Variants in SYNE1 observed in about 807,000 individuals in gnomAD.
SYNE1 encodes nesprin-1.
SYNE1 carries 616 observed loss-of-function variants against 1,111.0 expected under a neutral mutation model. That is an observed-to-expected ratio of 0.55 (90% CI 0.52 to 0.59). The LOEUF is 0.59. Ranked by LOEUF, SYNE1 falls within the 20% of genes least tolerant of loss-of-function variation. SYNE1 has a pLI of 0.00. For synonymous variants in SYNE1, 3,855 were observed against 3,825.8 expected (o/e 1.01, Z -0.28); for missense variants, 10,006 against 10,417.0 (o/e 0.96, Z 1.72).
rs141557649 is a variant in SYNE1 at position 152,196,492 on chromosome 6, C to T, written c.23145+5332G>A. ...AGGGCCTATGGGCTCTTTAGTCAGC[C>T]GGTGATAGGTCTTACCAGGACTAGG... On this transcript the variant is annotated intron_variant, in intron 127 of 145. Coordinates refer to ENST00000367255, the MANE Select transcript of SYNE1 (RefSeq NM_182961.4). Among the ~76,000 whole-genome samples the T allele has an allele frequency of 4.3e-3, 651 of 151,848 alleles. 9 individuals carry two copies. The highest frequency in any genetic ancestry group is 0.013 in the African/African-American group (532 of 41,414).
intron 128 of SYNE1, among the ~76,000 whole-genome samples, chr6:152,188,319 G>A (rs901019833): frequency 5.9e-5 from 9 of 152,176 alleles, no homozygotes; most frequent in Non-Finnish European, 1.0e-4. Context: ...TTCATTATGA[G>A]CCTTTGAATC....
At chr6:152,132,251 C>T (rs774772898) in intron 143 of SYNE1, 37 bp from the exon 144 acceptor site, 2 of 1,588,482 alleles carry the variant, frequency 1.3e-6, no homozygotes, top group South Asian at 2.2e-5. Context: ...AACTCCATGT[C>T]CCAGACCCAT....
chr6:152,409,418 T>C, intron 43 of SYNE1, 141 bp downstream of exon 43: 1 of 1,250,022 alleles, frequency 8.0e-7, no homozygotes, highest in Non-Finnish European at 1.1e-6. Flanking sequence ...TCAGCATTCC[T>C]AGGGGAAAAA....
At chr6:152,605,724 G>C (rs775892867) in intron 3 of SYNE1, among the ~76,000 whole-genome samples, 27 of 152,110 alleles carry the variant, frequency 1.8e-4, no homozygotes, top group African/African-American at 6.3e-4. Flanking sequence ...GGGCAGAAAG[G>C]CTCTTTTTAT....
chr6:152,301,794 AC>A, intron 92 of SYNE1, 74 bp downstream of exon 92: 1 of 1,469,672 alleles, frequency 6.8e-7, no homozygotes, highest in Non-Finnish European at 9.1e-7. Context: ...GAAATCAGCC[AC>A]GGAGAGGGAA....
At chr6:152,211,642 G>T in intron 123 of SYNE1, 54 bp from the exon 124 acceptor site, 1 of 1,455,804 alleles carries the variant, frequency 6.9e-7, no homozygotes, top group South Asian at 1.2e-5. Flanking sequence ...TTTAGTGATC[G>T]GTTCTCTGAT....
At chr6:152,272,339 G>A (rs114292548) in intron 98 of SYNE1, among the ~76,000 whole-genome samples, 1,722 of 152,254 alleles carry the variant, frequency 0.011, 36 homozygotes, top group African/African-American at 0.039. Context: ...GAGGTTAGGC[G>A]GTTTCTGTCA....
intron 3 of SYNE1, among the ~76,000 whole-genome samples, chr6:152,563,140 T>C (rs890132906): frequency 6.6e-6 from 1 of 152,022 alleles, no homozygotes; most frequent in Admixed American, 6.6e-5. Context: ...CCTTTTATCA[T>C]ACCCGGAGTC....
In SYNE1 at chr6:152,141,220, G is replaced by T. The variant is rs2058481714; in HGVS notation, c.25229C>A (p.Thr8410Asn). ...GCACTCACCAGCCGTTTGGGTTTCG[G>T]TACTATGCAGGTTAACAAAGCCAGG... ...SLPGFVNLHSTETQTAGVIDR... is the reference protein window; with the variant it reads ...SLPGFVNLHSNETQTAGVIDR... The change falls in exon 139 of 146, where the codon ACC becomes AAC. Residue 8410 changes from threonine to asparagine, a missense_variant. This residue lies in a region of SYNE1 where 761 missense variants were observed against 795.5 expected (regional missense o/e 0.96). Transcript: ENST00000367255. 6 of 1,614,126 alleles carry T rather than the reference G, an allele frequency of 3.7e-6. No individual in the cohort carries two copies. In the East Asian group the frequency reaches 1.3e-4, roughly 36 times the overall value.
intron 118 of SYNE1, 44 bp downstream of exon 118, chr6:152,221,382 A>G: frequency 6.2e-7 from 1 of 1,602,688 alleles, no homozygotes; most frequent in Non-Finnish European, 8.5e-7. Context: ...TATTTATAAT[A>G]AGGCTGTGAT....
Position 152,635,802 on chromosome 6 carries a change from T to C in SYNE1, c.-224+836A>G, listed in dbSNP as rs79664557. On this transcript the variant is annotated intron_variant, in intron 2 of 145. Transcript: ENST00000367255. ...AAAACGAAAAGCTCAGAAATGAACA[T>C]TGTGGGATGCTAAGGCTTCATTGCT... Among the ~76,000 whole-genome samples the C allele has an allele frequency of 9.9e-3, 1,502 of 152,280 alleles. 20 individuals are homozygous for C. The highest frequency in any genetic ancestry group is 0.035 in the African/African-American group (1,441 of 41,546).
At chr6:152,485,781 G>T (rs2098935827) in intron 12 of SYNE1, among the ~76,000 whole-genome samples, 1 of 152,124 alleles carries the variant, frequency 6.6e-6, no homozygotes. Flanking sequence ...ACAACTAAAA[G>T]AATTTCAAAA....
At chr6:152,526,980 T>C (rs917403998) in intron 4 of SYNE1, among the ~76,000 whole-genome samples, 4 of 152,160 alleles carry the variant, frequency 2.6e-5, no homozygotes, top group Non-Finnish European at 5.9e-5. Context: ...CAGGAGAAAG[T>C]AAAGAAGCCA....
chr6:152,139,653 A>T (rs1026858402), intron 140 of SYNE1, among the ~76,000 whole-genome samples: 1 of 149,520 alleles, frequency 6.7e-6, no homozygotes. Flanking sequence ...AAGAAAGAAA[A>T]AAAAGAAGGA....
intron 108 of SYNE1, among the ~76,000 whole-genome samples, chr6:152,239,025 G>C (rs1480457000): frequency 6.6e-6 from 1 of 151,426 alleles, no homozygotes; most frequent in African/African-American, 2.4e-5. Context: ...AGCCTCCCAA[G>C]TAGCTGAGAT....
intron 3 of SYNE1, among the ~76,000 whole-genome samples, chr6:152,609,467 G>C (rs2099625218): frequency 6.6e-6 from 1 of 152,138 alleles, no homozygotes; most frequent in Admixed American, 6.5e-5. Context: ...AAAGTGACTG[G>C]GAAGTTCAAA....
chr6:152,477,038 A>G (rs1229403505), intron 14 of SYNE1, among the ~76,000 whole-genome samples: 1 of 152,200 alleles, frequency 6.6e-6, no homozygotes, highest in Non-Finnish European at 1.5e-5. Flanking sequence ...CAAAATATAT[A>G]AAACAATATT....
At chr6:152,490,659 C>T (rs2098965486) in intron 11 of SYNE1, among the ~76,000 whole-genome samples, 1 of 152,148 alleles carries the variant, frequency 6.6e-6, no homozygotes, top group Non-Finnish European at 1.5e-5. Context: ...TTTTCGGACT[C>T]AGTCTGCCTG....
rs374096807 is a variant in SYNE1, at chr6:152,206,254, C to T, written c.22933G>A (p.Ala7645Thr). Reference protein sequence around the residue: ...ADSGAEAALQAELAEIQEKWK... With the variant: ...ADSGAEAALQTELAEIQEKWK... ...TTCTCTTGGATTTCAGCGAGTTCGG[C>T]CTGCAAGGCGGCCTCAGCGCCACTG... The change falls in exon 126 of 146, where the codon GCC becomes ACC. Residue 7645 changes from alanine to threonine, a missense_variant. Ala to Thr is a moderately conservative substitution (Grantham distance 58). Coordinates refer to ENST00000367255, the MANE Select transcript of SYNE1 (RefSeq NM_182961.4). 2.5e-6 allele frequency: 4 copies of T among 1,613,790 alleles called. No individual in the cohort carries two copies. The African/African-American group carries it at 5.3e-5, about 22-fold the overall frequency.
Sources: allele counts gnomAD v4.1 joint callset (sites outside exome capture counted in the v4.1 genomes callset), GRCh38; gene constraint gnomAD v4.1.1; regional missense constraint gnomAD v4.1.1; transcripts MANE v1.5; gene names NCBI Gene and HGNC (gene_info 2026-07-23, HGNC 2026-07-21).